RBFOX1: variants seen among roughly 807,000 people sequenced by gnomAD.
RBFOX1 encodes RNA binding protein fox-1 homolog 1.
In RBFOX1, 8 loss-of-function variants were observed where a neutral mutation model predicts 57.7. The observed-to-expected ratio is 0.14, with a 90% CI of 0.08 to 0.25. The LOEUF (loss-of-function observed/expected upper bound fraction) is 0.25. RBFOX1 is among the 10% of genes least tolerant of loss of function. RBFOX1 has a pLI of 1.00. For synonymous variants in RBFOX1, 326 were observed against 222.4 expected, an observed-to-expected ratio of 1.47 and a Z score of -4.15; for missense variants, 611 against 548.5, an observed-to-expected ratio of 1.11 and a Z score of -1.14.
intron 3 of RBFOX1, among the ~76,000 whole-genome samples, chr16:6,799,814 G>A (rs1041864595): frequency 1.1e-4 from 17 of 152,068 alleles, no homozygotes; most frequent in African/African-American, 3.9e-4. Context: ...AGGCTCTTGG[G>A]ACTTTAGCCA....
chr16:7,558,952 G>A (rs1429423140), intron 5 of RBFOX1, among the ~76,000 whole-genome samples: 3 of 152,164 alleles, frequency 2.0e-5, no homozygotes, highest in Non-Finnish European at 2.9e-5. Context: ...CTCTTTTGAA[G>A]ATTTTTTTCC....
intron 3 of RBFOX1, among the ~76,000 whole-genome samples, chr16:6,962,593 G>T (rs981489033): frequency 6.6e-6 from 1 of 152,140 alleles, no homozygotes; most frequent in East Asian, 1.9e-4. Context: ...GGAGCCAGGA[G>T]CTCATGCCTA....
chr16:7,107,844 C>G lies in RBFOX1; in HGVS notation c.27+55746C>G, dbSNP rs865838998. Among the ~76,000 whole-genome samples, 42 of 152,258 alleles carry G rather than the reference C, an allele frequency of 2.8e-4. No individual in the cohort carries two copies. The South Asian group carries it at 2.9e-3, about 11-fold the overall frequency. On this transcript the variant is annotated intron_variant, in intron 4 of 15. Transcript: ENST00000550418. ...GATCTTAAACATCTCTAACAATAAC[C>G]TCCTTGTTTTCTCTACCCGTGGTCT...
At chr16:5,624,082 G>A (rs1337508353) in intron 3 of RBFOX1, among the ~76,000 whole-genome samples, 1 of 152,176 alleles carries the variant, frequency 6.6e-6, no homozygotes, top group Non-Finnish European at 1.5e-5. Flanking sequence ...AGCAAATAAG[G>A]GATTAAAGAG....
chr16:6,878,490 T>G (rs929421934), intron 3 of RBFOX1, among the ~76,000 whole-genome samples: 2 of 152,182 alleles, frequency 1.3e-5, no homozygotes, highest in South Asian at 4.1e-4. Context: ...GATGGACATG[T>G]GATATGAGCA....
intron 4 of RBFOX1, among the ~76,000 whole-genome samples, chr16:7,225,365 T>C (rs2093028335): frequency 6.6e-6 from 1 of 152,158 alleles, no homozygotes. Flanking sequence ...GTAAGTTTCA[T>C]GAGATCTGAT....
At chr16:6,837,329 C>T (rs760980903) in intron 3 of RBFOX1, among the ~76,000 whole-genome samples, 1 of 152,170 alleles carries the variant, frequency 6.6e-6, no homozygotes. Context: ...AGATGTGCCA[C>T]CTGGCTGACT....
chr16:7,699,286 G>A (rs574764964), intron 14 of RBFOX1, among the ~76,000 whole-genome samples: 426 of 18,878 alleles, frequency 0.023, 2 homozygotes, highest in African/African-American at 0.059. Context: ...GGACCTCCTG[G>A]GATCTAGCGA....
chr16:7,665,417 CTCTT>C (rs1485495144), intron 13 of RBFOX1, among the ~76,000 whole-genome samples: 5 of 152,180 alleles, frequency 3.3e-5, no homozygotes, highest in Non-Finnish European at 5.9e-5. Flanking sequence ...CTTAGGAACA[CTCTT>C]TCTCTCTCTA....
rs545419261 is a variant in RBFOX1, at chr16:5,490,212, G to A, written c.258+22958G>A. ...GGACCACCTATGTTGGGCTCATCTCGTTCATTTTGGGAAGGGCTACAACTA... is the reference window on the plus strand; with the variant it reads ...GGACCACCTATGTTGGGCTCATCTCATTCATTTTGGGAAGGGCTACAACTA... On this transcript the variant is annotated intron_variant, in intron 2 of 2. Transcript: ENST00000585867. Among the ~76,000 whole-genome samples the A allele has an allele frequency of 5.9e-5, 9 of 152,340 alleles. No homozygotes were observed. In the South Asian group the frequency reaches 1.9e-3, roughly 32 times the overall value.
At chr16:5,859,108 G>A (rs561632454) in intron 3 of RBFOX1, among the ~76,000 whole-genome samples, 47 of 152,312 alleles carry the variant, frequency 3.1e-4, no homozygotes, top group Admixed American at 6.5e-4. Flanking sequence ...GGGAGACTGA[G>A]GCATAAGAAT....
intron 1 of RBFOX1, among the ~76,000 whole-genome samples, chr16:5,248,640 G>T (rs543028654): frequency 7.9e-5 from 12 of 152,242 alleles, no homozygotes; most frequent in African/African-American, 2.4e-4. Flanking sequence ...CTGAAAGGGG[G>T]TGCAGGGTGT....
chr16:6,858,182 A>C (rs191205537), intron 3 of RBFOX1, among the ~76,000 whole-genome samples: 1 of 152,262 alleles, frequency 6.6e-6, no homozygotes, highest in Non-Finnish European at 1.5e-5. Flanking sequence ...TAGCTCACTC[A>C]TAAGTGTCCT....
At position 6,715,886 on chromosome 16, in the gene RBFOX1, G is replaced by C. The variant is rs145680676; in HGVS notation, c.-16+61236G>C. On this transcript the variant is annotated intron_variant, in intron 3 of 15. Transcript: ENST00000550418. ...GGGTATGAAGCCCCTTTGGGGTCAA[G>C]GCTCAGCCTGCTACTATTACAGCCT... Among the ~76,000 whole-genome samples the C allele has an allele frequency of 7.9e-5, 12 of 152,300 alleles. 1 individual carries two copies. Among genetic ancestry groups the C allele is most frequent in the African/African-American group, 2.2e-4 (9 of 41,572 alleles).
At position 5,893,650 on chromosome 16, in the gene RBFOX1, T is replaced by TA. The variant is rs555961488; in HGVS notation, c.351+26321dup. 1.1e-4 allele frequency among the ~76,000 whole-genome samples: 17 copies of TA among 151,990 alleles called. No homozygotes were observed. The South Asian group carries it at 3.3e-3, about 30-fold the overall frequency. ...GGCAAAACCCCGTCTCCACTAAAAA[T>TA]AAAAAATTAGCTGGGCGTGGTGGTG... On this transcript the variant is annotated intron_variant, in intron 4 of 19. Transcript: ENST00000641259.
chr16:5,371,792 C>A (rs937561152), intron 1 of RBFOX1, among the ~76,000 whole-genome samples: 1 of 151,952 alleles, frequency 6.6e-6, no homozygotes, highest in African/African-American at 2.4e-5. Flanking sequence ...TGCACCTTGG[C>A]CCTGGGCTGC....
At chr16:6,629,959 G>T (rs1468440737) in intron 2 of RBFOX1, among the ~76,000 whole-genome samples, 10 of 134,434 alleles carry the variant, frequency 7.4e-5, no homozygotes, top group Non-Finnish European at 1.1e-4. Flanking sequence ...ATTTCGGTAG[G>T]TTTTTTTTTT....
In RBFOX1 at chr16:7,039,462, C is replaced by G. The variant is rs143074756; in HGVS notation, c.-15-12595C>G. 4.6e-5 allele frequency among the ~76,000 whole-genome samples: 7 copies of G among 152,278 alleles called. No individual in the cohort carries two copies. The East Asian group carries it at 1.4e-3, about 29-fold the overall frequency. ...TTTTGTTCGTTTATGCAACATGAGA[C>G]AGAATCAAGTTCATTAATCATGGCT... On this transcript the variant is annotated intron_variant, in intron 3 of 15. Transcript: ENST00000550418.
At chr16:5,723,891 A>G (rs1307210914) in intron 3 of RBFOX1, among the ~76,000 whole-genome samples, 1 of 152,240 alleles carries the variant, frequency 6.6e-6, no homozygotes, top group Non-Finnish European at 1.5e-5. Flanking sequence ...CTACATGGGC[A>G]TCTCTTTAAA....
Sources: gnomAD v4.1 joint callset for allele counts (sites outside exome capture counted in the v4.1 genomes callset) on GRCh38, gnomAD v4.1.1 for gene constraint, MANE v1.5 for transcripts, NCBI Gene and HGNC (gene_info 2026-07-23, HGNC 2026-07-21) for gene names.